The following SGCZ variants were observed in gnomAD, a reference collection of about 807,000 sequenced individuals.
SGCZ encodes the protein sarcoglycan zeta.
In SGCZ, 40 loss-of-function variants were observed where a neutral mutation model predicts 41.3. That is an observed-to-expected ratio of 0.97 (90% CI 0.75 to 1.26). The LOEUF is 1.26. Among genes scored for constraint, SGCZ ranks in the 50% most tolerant of loss-of-function variants. The probability of loss-of-function intolerance (pLI) is 0.00; values close to 1 mark genes in which losing one functional copy is unlikely to be tolerated. For synonymous variants in SGCZ, 206 were observed against 137.5 expected, an observed-to-expected ratio of 1.50 and a Z score of -3.49; for missense variants, 552 against 369.8, an observed-to-expected ratio of 1.49 and a Z score of -4.04.
At chr8:14,896,058 A>C (rs1805187028) in intron 1 of SGCZ, among the ~76,000 whole-genome samples, 1 of 152,178 alleles carries the variant, frequency 6.6e-6, no homozygotes, top group South Asian at 2.1e-4. Context: ...GCTTGCTAAC[A>C]ATATAAATTA....
chr8:14,636,397 C>A (rs1364563245), intron 1 of SGCZ, among the ~76,000 whole-genome samples: 1 of 151,864 alleles, frequency 6.6e-6, no homozygotes, highest in African/African-American at 2.4e-5. Flanking sequence ...ACCAGCTAGT[C>A]TTACTAAGCT....
chr8:14,547,468 T>C (rs948692072), intron 2 of SGCZ, among the ~76,000 whole-genome samples: 4 of 152,292 alleles, frequency 2.6e-5, no homozygotes, highest in African/African-American at 4.8e-5. Flanking sequence ...ATAAAGAATC[T>C]TTTTTATGCC....
chr8:14,834,730 A>G (rs1585303981), intron 1 of SGCZ, among the ~76,000 whole-genome samples: 2 of 152,156 alleles, frequency 1.3e-5, no homozygotes, highest in Non-Finnish European at 2.9e-5. Flanking sequence ...GTCAGAAACA[A>G]ACAGAGGGAA....
Position 14,316,576 on chromosome 8 carries a change from G to C in SGCZ, c.336+7527C>G, listed in dbSNP as rs190833268. Among the ~76,000 whole-genome samples, 102 of 151,964 alleles carry C rather than the reference G, an allele frequency of 6.7e-4. 2 individuals carry two copies. Among genetic ancestry groups the C allele is most frequent in the African/African-American group, 2.2e-3 (92 of 41,480 alleles). ...CATGTTACTTGACCTATCAGAGGCTGTTTTGCACTCTTTCAACCCGGAAAC... is the reference window on the plus strand; with the variant it reads ...CATGTTACTTGACCTATCAGAGGCTCTTTTGCACTCTTTCAACCCGGAAAC... On this transcript the variant is annotated intron_variant, in intron 3 of 7. Transcript: ENST00000382080.
At chr8:15,117,583 C>T (rs1321456891) in intron 1 of SGCZ, among the ~76,000 whole-genome samples, 1 of 152,058 alleles carries the variant, frequency 6.6e-6, no homozygotes, top group Non-Finnish European at 1.5e-5. Flanking sequence ...CCTATTTTAC[C>T]TGTAAAATAT....
intron 5 of SGCZ, among the ~76,000 whole-genome samples, chr8:14,136,554 C>T (rs573370191): frequency 6.6e-6 from 1 of 152,268 alleles, no homozygotes; most frequent in East Asian, 1.9e-4. Context: ...ACTGCTAGCA[C>T]AGCAGTCCCA....
intron 4 of SGCZ, among the ~76,000 whole-genome samples, chr8:14,234,527 G>C (rs902279849): frequency 6.6e-6 from 1 of 151,998 alleles, no homozygotes; most frequent in Non-Finnish European, 1.5e-5. Context: ...TCTATTGGTA[G>C]ACAATAGAAT....
At position 15,021,587 on chromosome 8, in the gene SGCZ, G is replaced by C. The variant is rs140814725; in HGVS notation, c.39+215998C>G. 4.2e-3 allele frequency among the ~76,000 whole-genome samples: 640 copies of C among 152,256 alleles called. 2 individuals carry two copies. Among genetic ancestry groups the C allele is most frequent in the African/African-American group, 0.014 (602 of 41,550 alleles). ...AACCAATCTACTGAAACACTGTATGGGGTTAAGGGAAGAAAGAAACTAACA... is the reference window on the plus strand; with the variant it reads ...AACCAATCTACTGAAACACTGTATGCGGTTAAGGGAAGAAAGAAACTAACA... On this transcript the variant is annotated intron_variant, in intron 1 of 7. Coordinates refer to ENST00000382080, the MANE Select transcript of SGCZ (RefSeq NM_139167.4).
intron 1 of SGCZ, among the ~76,000 whole-genome samples, chr8:15,211,689 C>T (rs1187086252): frequency 1.3e-5 from 2 of 152,126 alleles, no homozygotes; most frequent in South Asian, 2.1e-4. Flanking sequence ...TTATCGCCCG[C>T]CTATGAATGG....
rs141458949 is a variant in SGCZ, at chr8:15,137,737, G to C, written c.39+99848C>G. On this transcript the variant is annotated intron_variant, in intron 1 of 7. Coordinates refer to ENST00000382080, the MANE Select transcript of SGCZ (RefSeq NM_139167.4). The stretch of plus-strand genomic sequence containing the variant: ...TTTGGAAACCTCTGCTTAGATTTCA[G>C]AGGACATATAGACATGTATGAATGT... 3.0e-3 allele frequency among the ~76,000 whole-genome samples: 461 copies of C among 152,334 alleles called. 5 individuals carry two copies. Among genetic ancestry groups the C allele is most frequent in the African/African-American group, 0.011 (442 of 41,582 alleles).
At chr8:14,745,438 G>C (rs1418301578) in intron 1 of SGCZ, among the ~76,000 whole-genome samples, 1 of 152,016 alleles carries the variant, frequency 6.6e-6, no homozygotes, top group Non-Finnish European at 1.5e-5. Flanking sequence ...TTTTTCCTTA[G>C]CCAGGAATGG....
At chr8:14,374,739 A>C (rs1804051059) in intron 2 of SGCZ, among the ~76,000 whole-genome samples, 1 of 152,078 alleles carries the variant, frequency 6.6e-6, no homozygotes, top group Non-Finnish European at 1.5e-5. Context: ...TCTAATGGAG[A>C]ACTTGGAAAC....
intron 3 of SGCZ, among the ~76,000 whole-genome samples, chr8:14,301,790 C>A (rs1004440898): frequency 6.6e-6 from 1 of 152,124 alleles, no homozygotes; most frequent in African/African-American, 2.4e-5. Flanking sequence ...CTGTATTTCA[C>A]ACATAGTTTT....
chr8:14,407,711 G>C (rs574979466), intron 2 of SGCZ, among the ~76,000 whole-genome samples: 55 of 152,144 alleles, frequency 3.6e-4, no homozygotes, highest in Non-Finnish European at 7.1e-4. Flanking sequence ...TGAATGAGAA[G>C]ATTCCCATTT....
At chr8:14,715,092 G>C (rs1426707233) in intron 1 of SGCZ, among the ~76,000 whole-genome samples, 1 of 152,040 alleles carries the variant, frequency 6.6e-6, no homozygotes, top group East Asian at 1.9e-4. Context: ...AAAACAAAAA[G>C]GGAAAAGAAC....
chr8:14,975,174 C>T (rs779347854), intron 1 of SGCZ, among the ~76,000 whole-genome samples: 1 of 152,024 alleles, frequency 6.6e-6, no homozygotes, highest in Non-Finnish European at 1.5e-5. Context: ...GGTGTGGTGG[C>T]GGCTGCCTGT....
intron 1 of SGCZ, among the ~76,000 whole-genome samples, chr8:14,598,533 C>CT (rs113843453): frequency 5.3e-4 from 78 of 148,056 alleles, no homozygotes; most frequent in Non-Finnish European, 7.8e-4. Flanking sequence ...ATATACATAG[C>CT]TTTTTTTTTT....
chr8:14,812,716 G>T (rs992716084), intron 1 of SGCZ, among the ~76,000 whole-genome samples: 1 of 151,954 alleles, frequency 6.6e-6, no homozygotes, highest in Non-Finnish European at 1.5e-5. Flanking sequence ...ACAATCAGAC[G>T]GTTTAAATGA....
intron 1 of SGCZ, among the ~76,000 whole-genome samples, chr8:15,183,771 G>C (rs947306027): frequency 6.6e-6 from 1 of 152,120 alleles, no homozygotes; most frequent in Admixed American, 6.5e-5. Context: ...CTAAATAAAA[G>C]ATAGCTAGCA....
Sources: allele counts gnomAD v4.1 joint callset (sites outside exome capture counted in the v4.1 genomes callset), GRCh38; gene constraint gnomAD v4.1.1; transcripts MANE v1.5; gene names NCBI Gene and HGNC (gene_info 2026-07-23, HGNC 2026-07-21).